The following NABP1 variants were observed in gnomAD, a reference collection of about 807,000 sequenced individuals.
The protein encoded by NABP1 is nucleic acid binding protein 1.
Under a neutral mutation model 25.0 loss-of-function variants are expected in NABP1, and 18 were observed. The observed-to-expected ratio is 0.72, with a 90% confidence interval of 0.50 to 1.07. The LOEUF is 1.07. Ranked by LOEUF, NABP1 falls within the 50% of genes least tolerant of loss-of-function variation. The pLI is 0.00. For synonymous variants in NABP1, 71 were observed against 85.0 expected (o/e 0.84, Z 0.91); for missense variants, 270 against 255.6 (o/e 1.06, Z -0.39).
chr2:191,679,462 C>T (rs1291079143), intron 2 of NABP1, among the ~76,000 whole-genome samples: 2 of 152,196 alleles, frequency 1.3e-5, no homozygotes, highest in Non-Finnish European at 2.9e-5. Context: ...CTGCAGCCTC[C>T]GCCTCGCGGG....
chr2:191,685,450 TAGAGC>T, intron 5 of NABP1, 144 bp from the exon 6 acceptor site: 1 of 782,912 alleles, frequency 1.3e-6, no homozygotes, highest in Non-Finnish European at 2.0e-6. Flanking sequence ...TGGAAAAACT[TAGAGC>T]CCACATTGTT....
rs1687789994 is a variant in NABP1, at chr2:191,685,460, ATTG to A, written c.446-136_446-134del. ...ACATTTGGAAAAACTTAGAGCCCAC[ATTG>A]TTTTTTTTTTCTGTATAAAAATAAA... On this transcript the variant is annotated intron_variant, in intron 5 of 5. Coordinates refer to ENST00000425611, the MANE Select transcript of NABP1 (RefSeq NM_001031716.5). 4.9e-6 allele frequency: 4 copies of A among 813,206 alleles called. No individual in the cohort carries two copies. In the Admixed American group the frequency reaches 1.2e-4, roughly 25 times the overall value. 50.4% of individuals were successfully genotyped at this position (813,206 alleles called of 1,614,324 possible). A position where few individuals can be genotyped will look rare whatever the true frequency, so the allele number is the denominator to read the frequency against.
At chr2:191,679,272 G>T in intron 2 of NABP1, 144 bp downstream of exon 2, 1 of 988,512 alleles carries the variant, frequency 1.0e-6, no homozygotes, top group South Asian at 1.6e-5. Context: ...TGTTAACTTT[G>T]GGTGGTGGGC....
intron 5 of NABP1, among the ~76,000 whole-genome samples, chr2:191,684,690 G>A (rs1447381098): frequency 2.0e-5 from 3 of 152,072 alleles, no homozygotes; most frequent in East Asian, 1.9e-4. Context: ...GAGCTGAGCC[G>A]TTTAAAGGCT....
Position 191,685,697 on chromosome 2 carries a change from A to G in NABP1, c.544A>G (p.Thr182Ala), listed in dbSNP as rs200581859. 5.8e-5 allele frequency: 93 copies of G among 1,614,022 alleles called. No individual in the cohort carries two copies. Among genetic ancestry groups the G allele is most frequent in the Non-Finnish European group, 7.6e-5 (90 of 1,179,994 alleles). ...ACTTATAAATCCACAACTACAAGGAACAGCTAGTAATCAAACAGTGATGAC... is the reference window on the plus strand; with the variant it reads ...ACTTATAAATCCACAACTACAAGGAGCAGCTAGTAATCAAACAGTGATGAC... ...RGLINPQLQG[T>A]ASNQTVMTTI... Residue 182 changes from threonine to alanine, a missense_variant, in exon 6 of 6, where the codon ACA becomes GCA. Thr to Ala is a moderately conservative substitution (Grantham distance 58). Transcript: ENST00000425611.
Position 191,679,148 on chromosome 2 carries a change from G to C in NABP1, c.230+20G>C, listed in dbSNP as rs10171106. 6.4e-3 allele frequency: 10,305 copies of C among 1,613,916 alleles called. 592 individuals carry two copies. In the African/African-American group the frequency reaches 0.12, roughly 19 times the overall value. Reference sequence around the variant, plus strand: ...CAGAGGGTAGGTGTGCAAAAAAGTCGGGGGACCTAACAGTCTGCAGAATCG... The same window carrying C: ...CAGAGGGTAGGTGTGCAAAAAAGTCCGGGGACCTAACAGTCTGCAGAATCG... On this transcript the variant is annotated intron_variant, in intron 2 of 5. Coordinates refer to ENST00000425611, the MANE Select transcript of NABP1 (RefSeq NM_001031716.5).
chr2:191,683,590 G>A lies in NABP1; in HGVS notation c.303-139G>A. ...GGACATAATCATTTGGGAAGTTTTT[G>A]TTGTAAATGAAGAGTTAGTTTGTTG... On this transcript the variant is annotated intron_variant, in intron 3 of 5. Transcript: ENST00000425611. This position sits in a 1 kb window ranked among gnomAD's most constrained non-coding sequence, Gnocchi z 4.1. 1 of 628,110 alleles carries A rather than the reference G, an allele frequency of 1.6e-6. No homozygotes were observed. Among genetic ancestry groups the A allele is most frequent in the Non-Finnish European group, 2.8e-6 (1 of 361,890 alleles). The allele number at this position is 628,110 out of a possible 1,614,324, so 38.9% of individuals were successfully genotyped here.
chr2:191,683,994 T>A lies in NABP1; in HGVS notation c.378+190T>A, dbSNP rs1007865007. Among the ~76,000 whole-genome samples the A allele has an allele frequency of 6.6e-6, 1 of 152,050 alleles. No homozygotes were observed. Among genetic ancestry groups the A allele is most frequent in the African/African-American group, 2.4e-5 (1 of 41,408 alleles). On this transcript the variant is annotated intron_variant, in intron 4 of 5. Transcript: ENST00000425611. This position sits in a 1 kb window ranked among gnomAD's most constrained non-coding sequence, Gnocchi z 4.1. ...TAGATATATGTGCCATTTTGCACTT[T>A]GTGGTGTGCTGAGTAATTATCAGGA... is the stretch of plus-strand genomic sequence containing the variant.
In NABP1 at chr2:191,678,732, C is replaced by T. The variant is rs777172607; in HGVS notation, c.91+27C>T. 11 of 1,587,458 alleles carry T rather than the reference C, an allele frequency of 6.9e-6. No homozygotes were observed. In the Admixed American group the frequency reaches 1.7e-4, roughly 25 times the overall value. ...TAAGTGGGGTTTGCAGCCTACTCCACCGCCCGCTGTGCCTCCCGGGGCGGG... is the reference window on the plus strand; with the variant it reads ...TAAGTGGGGTTTGCAGCCTACTCCATCGCCCGCTGTGCCTCCCGGGGCGGG... On this transcript the variant is annotated intron_variant, in intron 1 of 5. Coordinates refer to ENST00000425611, the MANE Select transcript of NABP1 (RefSeq NM_001031716.5).
chr2:191,682,982 T>A (rs1687728093), intron 3 of NABP1: 1 of 169,766 alleles, frequency 5.9e-6, no homozygotes, highest in Admixed American at 6.1e-5. Flanking sequence ...AGGTTCAGGA[T>A]TCTGTCCTGA....
chr2:191,679,980 T>C (rs1172374450), intron 2 of NABP1, among the ~76,000 whole-genome samples: 1 of 152,208 alleles, frequency 6.6e-6, no homozygotes. Flanking sequence ...TGATTTCTTG[T>C]GTCTTCTGCT....
chr2:191,682,536 A>G (rs746036852), intron 3 of NABP1: 1 of 471,162 alleles, frequency 2.1e-6, no homozygotes, highest in Non-Finnish European at 4.4e-6. Context: ...TCCATACACT[A>G]CTACCCTGGT....
intron 5 of NABP1, chr2:191,684,785 T>G (rs1364982794): frequency 6.6e-6 from 1 of 152,290 alleles, no homozygotes; most frequent in African/African-American, 2.4e-5. Context: ...TCTGAAGTCT[T>G]TTTTCTTAAA....
intron 1 of NABP1, 76 bp downstream of exon 1, chr2:191,678,781 C>A: frequency 2.1e-6 from 3 of 1,409,472 alleles, no homozygotes; most frequent in Non-Finnish European, 2.9e-6. Flanking sequence ...GGCCGCTGCG[C>A]GCCCGGGGCT....
chr2:191,678,859 C>G, intron 1 of NABP1, 131 bp from the exon 2 acceptor site: 1 of 1,241,434 alleles, frequency 8.1e-7, no homozygotes, highest in African/African-American at 1.5e-5. Flanking sequence ...TCGGATCCTA[C>G]CTGAGGCGGG....
At position 191,679,001 on chromosome 2, in the gene NABP1, A is replaced by G; in HGVS notation, c.103A>G (p.Lys35Glu). 2 of 1,614,234 alleles carry G rather than the reference A, an allele frequency of 1.2e-6. No individual in the cohort carries two copies. Among genetic ancestry groups the G allele is most frequent in the Non-Finnish European group, 1.7e-6 (2 of 1,180,032 alleles). Residue 35 changes from lysine (K) to glutamate (E), a missense_variant, in exon 2 of 6, where the codon AAA becomes GAA. Transcript: ENST00000425611. ...TTAAATCCTCACAGGACGCGTGACC[A>G]AAACCAAAGACGGCCATGAAGTGAG... ...FIVLEIGRVT[K>E]TKDGHEVRSC...
chr2:191,679,312 G>T (rs1405895803), intron 2 of NABP1, among the ~76,000 whole-genome samples, 184 bp downstream of exon 2: 1 of 152,190 alleles, frequency 6.6e-6, no homozygotes, highest in Non-Finnish European at 1.5e-5. Flanking sequence ...CCTTTGCAGT[G>T]AAAGGCAGTC....
In NABP1 at chr2:191,684,260, A is replaced by G. The variant is rs1161153088; in HGVS notation, c.409A>G (p.Asn137Asp). The G allele has an allele frequency of 3.9e-6, 6 of 1,541,500 alleles. No homozygotes were observed. The highest frequency in any genetic ancestry group is 5.2e-6 in the Non-Finnish European group (6 of 1,154,660). ...GAGTGAACAGAAGAATAATTCCATG[A>G]ATAGTAATATGGGTACAGGTACATT... ...AQSEQKNNSM[N>D]SNMGTGTFGP... Residue 137 changes from asparagine to aspartate, a missense_variant, in exon 5 of 6, where the codon AAT becomes GAT. Physicochemically the swap from Asn to Asp is conservative, Grantham distance 23. Transcript: ENST00000425611.
intron 5 of NABP1, among the ~76,000 whole-genome samples, chr2:191,685,332 G>A (rs1687787304): frequency 6.6e-5 from 10 of 152,060 alleles, no homozygotes; most frequent in Admixed American, 6.5e-4. Context: ...CTTTTATAGT[G>A]TAGGCAATGC....
Sources: allele counts gnomAD v4.1 joint callset (sites outside exome capture counted in the v4.1 genomes callset), GRCh38; gene constraint gnomAD v4.1.1; non-coding constraint Gnocchi (gnomAD v3.1); transcripts MANE v1.5; gene names NCBI Gene and HGNC (gene_info 2026-07-23, HGNC 2026-07-21).